TLL1: variants seen among roughly 807,000 people sequenced by gnomAD.
TLL1 encodes tolloid like 1.
TLL1 carries 49 observed loss-of-function variants against 128.2 expected under a neutral mutation model. The ratio of observed to expected loss-of-function variants is 0.38; its 90% CI spans 0.30 to 0.48. TLL1 has a LOEUF of 0.48. Among genes scored for constraint, TLL1 ranks in the 20% least tolerant of loss-of-function variants. TLL1 has a pLI of 0.96. For missense variants in TLL1, 1,123 were observed against 1,242.0 expected, an observed-to-expected ratio of 0.90 and a Z score of 1.44; for synonymous variants, 454 against 418.8, an observed-to-expected ratio of 1.08 and a Z score of -1.03.
chr4:166,000,874 AC>A (rs1278891847), intron 5 of TLL1, among the ~76,000 whole-genome samples: 9 of 152,092 alleles, frequency 5.9e-5, no homozygotes, highest in African/African-American at 2.2e-4. Context: ...CCCACCAATC[AC>A]CTCTTTCTTC....
chr4:166,052,101 T>C (rs1440819014), intron 12 of TLL1, among the ~76,000 whole-genome samples: 4 of 152,186 alleles, frequency 2.6e-5, no homozygotes, highest in African/African-American at 9.6e-5. Flanking sequence ...TAAATTATCC[T>C]ATTTCTTTTT....
chr4:166,088,523 C>G (rs77998296), intron 18 of TLL1, among the ~76,000 whole-genome samples: 1 of 151,944 alleles, frequency 6.6e-6, no homozygotes, highest in African/African-American at 2.4e-5. Context: ...TTAGTCACAC[C>G]TTTGCTTGTG....
intron 12 of TLL1, among the ~76,000 whole-genome samples, chr4:166,050,845 G>A (rs957545327): frequency 3.3e-5 from 5 of 152,090 alleles, no homozygotes; most frequent in South Asian, 2.1e-4. Flanking sequence ...TCTATGGTTC[G>A]TCTTCATTCT....
At chr4:166,019,331 T>C (rs898203899) in intron 8 of TLL1, among the ~76,000 whole-genome samples, 3 of 152,066 alleles carry the variant, frequency 2.0e-5, no homozygotes, top group Admixed American at 6.6e-5. Context: ...GCGACAAGGA[T>C]TGAAAAATTA....
At position 166,075,126 on chromosome 4, in the gene TLL1, C is replaced by CA; in HGVS notation, c.2314+129dup. On this transcript the variant is annotated intron_variant, in intron 17 of 20. Coordinates refer to ENST00000061240, the MANE Select transcript of TLL1 (RefSeq NM_012464.5). ...ATATCATGGTGGGCTATCCAAATGT[C>CA]AAAAAACAAAATTCTGTGTAATGTC... 7 of 1,351,314 alleles carry CA rather than the reference C, an allele frequency of 5.2e-6. No homozygotes were observed. The African/African-American group carries it at 7.2e-5, about 14-fold the overall frequency. The allele number at this position is 1,351,314 out of a possible 1,614,324, so 83.7% of individuals were successfully genotyped here.
chr4:166,057,110 C>T, intron 13 of TLL1, 74 bp from the exon 14 acceptor site: 1 of 1,573,856 alleles, frequency 6.4e-7, no homozygotes, highest in Non-Finnish European at 8.7e-7. Context: ...TGGGTGGGGA[C>T]ACAGCCAAAC....
At chr4:165,880,851 A>G (rs1240484240) in intron 1 of TLL1, among the ~76,000 whole-genome samples, 1 of 152,192 alleles carries the variant, frequency 6.6e-6, no homozygotes, top group Non-Finnish European at 1.5e-5. Context: ...ATTGTGTACC[A>G]CAGAGCCACC....
chr4:165,900,901 A>C (rs562389549), intron 1 of TLL1, among the ~76,000 whole-genome samples: 65 of 151,702 alleles, frequency 4.3e-4, no homozygotes, highest in African/African-American at 1.6e-3. Flanking sequence ...GTCTTTTCAC[A>C]TGGTCCCATA....
chr4:166,025,371 C>T lies in TLL1; in HGVS notation c.1098C>T (p.Pro366=). Residue 366 remains proline, a synonymous_variant, in exon 9 of 21, where the codon CCC becomes CCT. Coordinates refer to ENST00000061240, the MANE Select transcript of TLL1 (RefSeq NM_012464.5). ...GCAACCTTTCCTCTCCAGGATTTCC[C>T]AATGGCTACCCTTCTTACACACACT... ...SNGNLSSPGF[P]NGYPSYTHCI... is the part of the protein sequence containing the mutation. 1 of 1,613,926 alleles carries T rather than the reference C, an allele frequency of 6.2e-7. No homozygotes were observed. The highest frequency in any genetic ancestry group is 8.5e-7 in the Non-Finnish European group (1 of 1,179,918).
At chr4:165,956,109 G>A (rs996162128) in intron 1 of TLL1, among the ~76,000 whole-genome samples, 4 of 151,014 alleles carry the variant, frequency 2.6e-5, no homozygotes, top group African/African-American at 4.9e-5. Flanking sequence ...TGCTTCTGAG[G>A]GAACAGGACA....
intron 1 of TLL1, among the ~76,000 whole-genome samples, chr4:165,975,610 G>T (rs1735840946): frequency 6.6e-6 from 1 of 152,098 alleles, no homozygotes; most frequent in African/African-American, 2.4e-5. Context: ...AAATATTATG[G>T]GTTAGATCTC....
intron 8 of TLL1, among the ~76,000 whole-genome samples, chr4:166,024,422 C>G (rs916719170): frequency 6.6e-6 from 1 of 152,104 alleles, no homozygotes; most frequent in African/African-American, 2.4e-5. Flanking sequence ...AGGGAAGGAA[C>G]TGTTCTTTCA....
intron 1 of TLL1, among the ~76,000 whole-genome samples, chr4:165,986,993 T>C (rs1393131557): frequency 6.6e-6 from 1 of 152,142 alleles, no homozygotes; most frequent in African/African-American, 2.4e-5. Context: ...ATAAAGATGA[T>C]GACAATGATA....
intron 15 of TLL1, among the ~76,000 whole-genome samples, chr4:166,061,098 A>G (rs1445555861): frequency 6.6e-6 from 1 of 152,118 alleles, no homozygotes; most frequent in Non-Finnish European, 1.5e-5. Context: ...TCTCTGATGT[A>G]TATCAGAGAA....
In TLL1 at chr4:165,992,861, A is replaced by G; in HGVS notation, c.338A>G (p.Asp113Gly). 2.5e-6 allele frequency: 4 copies of G among 1,613,322 alleles called. No homozygotes were observed. Among genetic ancestry groups the G allele is most frequent in the Non-Finnish European group, 3.4e-6 (4 of 1,179,420 alleles). The change falls in exon 3 of 21, where the codon GAC becomes GGC. Residue 113 changes from aspartate (D) to glycine (G), a missense_variant. Asp to Gly is a moderately conservative substitution (Grantham distance 94). Transcript: ENST00000061240. ...CGAGGGGCCCTCTACCAACTTATAG[A>G]CAGGATAAGAAGAATTGGCTTTGGT... is the stretch of plus-strand genomic sequence containing the variant. ...KKRGALYQLI[D>G]RIRRIGFGLE...
rs1734401929 is a variant in TLL1, at chr4:165,949,373, C to A, written c.170-40008C>A. On this transcript the variant is annotated intron_variant, in intron 1 of 20. Coordinates refer to ENST00000061240, the MANE Select transcript of TLL1 (RefSeq NM_012464.5). ...AGCCCTACTAATACCTTGATTTCAG[C>A]CTTATGAAGCTCTAAACAGAGACAC... is the stretch of plus-strand genomic sequence containing the variant. 2.0e-5 allele frequency among the ~76,000 whole-genome samples: 3 copies of A among 152,214 alleles called. No individual in the cohort carries two copies. In the South Asian group the frequency reaches 6.2e-4, roughly 32 times the overall value.
intron 18 of TLL1, among the ~76,000 whole-genome samples, chr4:166,084,993 C>A (rs532662026): frequency 6.6e-6 from 1 of 151,588 alleles, no homozygotes; most frequent in Non-Finnish European, 1.5e-5. Context: ...TAGAGATTTC[C>A]ACTTACTGGG....
intron 1 of TLL1, among the ~76,000 whole-genome samples, chr4:165,890,237 C>G (rs1258053259): frequency 6.6e-6 from 1 of 152,172 alleles, no homozygotes; most frequent in Non-Finnish European, 1.5e-5. Context: ...AACTACAATT[C>G]AAGATGAGAT....
chr4:166,052,080 C>A (rs1420458455), intron 12 of TLL1, among the ~76,000 whole-genome samples: 1 of 151,812 alleles, frequency 6.6e-6, no homozygotes, highest in Non-Finnish European at 1.5e-5. Flanking sequence ...TTTTATAGAC[C>A]AGGCAATATA....
Sources: gnomAD v4.1 joint callset for allele counts (sites outside exome capture counted in the v4.1 genomes callset) on GRCh38, gnomAD v4.1.1 for gene constraint, MANE v1.5 for transcripts, NCBI Gene and HGNC (gene_info 2026-07-23, HGNC 2026-07-21) for gene names.